Variants in L3HYPDH observed in about 807,000 individuals in gnomAD.
L3HYPDH encodes trans-3-hydroxy-L-proline dehydratase.
L3HYPDH carries 32 observed loss-of-function variants against 26.5 expected under a neutral mutation model. The observed-to-expected ratio is 1.21, with a 90% CI of 0.91 to 1.62. The LOEUF (loss-of-function observed/expected upper bound fraction) is 1.62, where lower values mean the gene tolerates loss of function less well. Ranked by LOEUF, L3HYPDH falls within the 40% of genes most tolerant of loss-of-function variation. The probability of loss-of-function intolerance (pLI) is 0.00; values close to 1 mark genes in which losing one functional copy is unlikely to be tolerated. For synonymous variants in L3HYPDH, 215 were observed against 196.6 expected, an observed-to-expected ratio of 1.09 and a Z score of -0.78; for missense variants, 554 against 476.4, an observed-to-expected ratio of 1.16 and a Z score of -1.52.
chr14:59,471,732 G>A (rs778476441), downstream of L3HYPDH, among the ~76,000 whole-genome samples: 1 of 152,090 alleles, frequency 6.6e-6, no homozygotes, highest in Admixed American at 6.5e-5. Flanking sequence ...TCAAATTCAT[G>A]TGACTTGTGA....
At chr14:59,491,637 C>T in the L3HYPDH span, among the ~76,000 whole-genome samples, 2 of 152,184 alleles carry the variant, frequency 1.3e-5, no homozygotes, top group African/African-American at 4.8e-5. Flanking sequence ...AAGTGACCCA[C>T]CTGCATGAAA....
chr14:59,495,268 C>T, the L3HYPDH span: 136 of 1,398,706 alleles, frequency 9.7e-5, no homozygotes, highest in African/African-American at 1.7e-3. Flanking sequence ...TTTTTTAAAT[C>T]TCTGAGGATT....
At chr14:59,503,862 T>G in the L3HYPDH span, 2 of 1,607,234 alleles carry the variant, frequency 1.2e-6, no homozygotes, top group Non-Finnish European at 1.7e-6. Flanking sequence ...AGAACTGCTA[T>G]GATCTTCTGG....
rs766956920 is a variant in L3HYPDH, at chr14:59,483,849, C to T, written c.468G>A (p.Pro156=). 2 of 1,587,226 alleles carry T rather than the reference C, an allele frequency of 1.3e-6. No homozygotes were observed. Among genetic ancestry groups the T allele is most frequent in the Non-Finnish European group, 1.7e-6 (2 of 1,173,974 alleles). The change falls in exon 1 of 5, where the codon CCG becomes CCA. Residue 156 remains proline, a synonymous_variant. Transcript: ENST00000247194. The part of the protein sequence containing the change: ...VACEDGRSHG[P]VRFHSVPAFV... ...AGGCCGGGACGCTGTGGAAGCGCAC[C>T]GGTCCGTGGCTGCGGCCGTCCTCGC...
In L3HYPDH at chr14:59,467,115, T is replaced by C. The variant is rs527794344; in HGVS notation, n.31-5942A>G. On this transcript the variant is annotated intron_variant and non_coding_transcript_variant, in intron 1 of 2. Coordinates refer to the L3HYPDH transcript ENST00000466522. ...AAGCTTAAGCCACCGGCCAACACAG[T>C]ATATTACAGTGTGCTAAATATTGTC... is the stretch of plus-strand genomic sequence containing the variant. Among the ~76,000 whole-genome samples the C allele has an allele frequency of 4.6e-5, 7 of 152,338 alleles. No homozygotes were observed. The East Asian group carries it at 1.3e-3, about 29-fold the overall frequency.
At chr14:59,474,622 G>T in intron 4 of L3HYPDH, 1 of 617,606 alleles carries the variant, frequency 1.6e-6, no homozygotes, top group South Asian at 1.9e-5. Flanking sequence ...CCACCTTCAT[G>T]ACCTGGATCT....
chr14:59,482,940 G>C (rs1055846287), intron 1 of L3HYPDH, among the ~76,000 whole-genome samples: 1 of 152,202 alleles, frequency 6.6e-6, no homozygotes, highest in Non-Finnish European at 1.5e-5. Context: ...AGTCTGATGA[G>C]AAACCAGATG....
the L3HYPDH span, chr14:59,495,396 T>C: frequency 1.7e-6 from 1 of 581,080 alleles, no homozygotes; most frequent in Non-Finnish European, 3.1e-6. Flanking sequence ...GTTTTCTCTT[T>C]GGTAAAATGG....
the L3HYPDH span, chr14:59,501,288 T>C: frequency 3.4e-6 from 5 of 1,462,694 alleles, no homozygotes; most frequent in South Asian, 5.8e-5. Context: ...TTTTTTTCCT[T>C]TGTTAAAGAC....
chr14:59,479,097 T>A, intron 2 of L3HYPDH, 85 bp downstream of exon 2: 1 of 1,018,732 alleles, frequency 9.8e-7, no homozygotes, highest in Non-Finnish European at 1.4e-6. Context: ...TAAACATCAT[T>A]TAATTTTCTT....
At chr14:59,502,755 T>TGTTTTTTTTTCTTTGTTTTTGG in the L3HYPDH span, among the ~76,000 whole-genome samples, 4 of 122,918 alleles carry the variant, frequency 3.3e-5, 1 homozygote, top group South Asian at 8.1e-4. Context: ...ATGAGATTTT[T>TGTTTTTTTTTCTTTGTTTTTGG]TTTTTTTTTT....
downstream of L3HYPDH, among the ~76,000 whole-genome samples, chr14:59,469,558 T>TAA (rs36113229): frequency 0.011 from 493 of 43,306 alleles, 28 homozygotes; most frequent in Middle Eastern, 0.033. Context: ...TCCATCTCAT[T>TAA]AAAAAAAAAA....
chr14:59,474,723 C>A, intron 4 of L3HYPDH: 1 of 445,032 alleles, frequency 2.2e-6, no homozygotes, highest in Non-Finnish European at 4.0e-6. Flanking sequence ...CAGCACAGTA[C>A]TGACCTTGTA....
At position 59,479,169 on chromosome 14, in the gene L3HYPDH, G is replaced by C; in HGVS notation, c.678+13C>G. 1.9e-6 allele frequency: 3 copies of C among 1,581,384 alleles called. No homozygotes were observed. The highest frequency in any genetic ancestry group is 2.6e-6 in the Non-Finnish European group (3 of 1,166,966). Reference sequence around the variant, plus strand: ...GAGAAGGGAATTGGTTATGAAGGCAGAGTATTACTGACCTGAGCTTTCACT... The same window carrying C: ...GAGAAGGGAATTGGTTATGAAGGCACAGTATTACTGACCTGAGCTTTCACT... On this transcript the variant is annotated intron_variant, in intron 2 of 4. Coordinates refer to ENST00000247194, the MANE Select transcript of L3HYPDH (RefSeq NM_144581.2).
intron 2 of L3HYPDH, among the ~76,000 whole-genome samples, chr14:59,476,630 G>A (rs1274078859): frequency 6.6e-6 from 1 of 152,162 alleles, no homozygotes; most frequent in Non-Finnish European, 1.5e-5. Flanking sequence ...GGATAATGTG[G>A]GAAAATCAGG....
chr14:59,478,948 A>G (rs745330809), intron 2 of L3HYPDH: 16 of 398,672 alleles, frequency 4.0e-5, no homozygotes, highest in Non-Finnish European at 7.0e-5. Flanking sequence ...TAATGTTTTA[A>G]GAAAGTTTAC....
At chr14:59,469,558 T>TAAAAAAAAA (rs36113229), downstream of L3HYPDH, among the ~76,000 whole-genome samples, 1 of 43,310 alleles carries the variant, frequency 2.3e-5, no homozygotes, top group African/African-American at 1.0e-4. Flanking sequence ...TCCATCTCAT[T>TAAAAAAAAA]AAAAAAAAAA....
the L3HYPDH span, among the ~76,000 whole-genome samples, chr14:59,493,279 C>T: frequency 6.6e-6 from 1 of 152,306 alleles, no homozygotes; most frequent in Non-Finnish European, 1.5e-5. Flanking sequence ...TGGAAGAGAA[C>T]CAAGGCACAC....
upstream of L3HYPDH, chr14:59,485,195 T>C (rs1890440252): frequency 6.7e-7 from 1 of 1,482,998 alleles, no homozygotes; most frequent in African/African-American, 1.4e-5. Context: ...CTTTAGATTA[T>C]TGATATTCAC....
Sources: allele counts gnomAD v4.1 joint callset (sites outside exome capture counted in the v4.1 genomes callset), GRCh38; gene constraint gnomAD v4.1.1; transcripts MANE v1.5; gene names NCBI Gene and HGNC (gene_info 2026-07-23, HGNC 2026-07-21).